SHROOM3: variants seen among roughly 807,000 people sequenced by gnomAD.
SHROOM3 encodes the protein shroom family member 3, also known as protein Shroom3.
A neutral mutation model predicts 138.6 loss-of-function variants in SHROOM3; 47 were observed. That is an observed-to-expected ratio of 0.34 (90% CI 0.27 to 0.43). SHROOM3 has a LOEUF of 0.43. Ranked by LOEUF, SHROOM3 falls within the 20% of genes least tolerant of loss-of-function variation. The probability of loss-of-function intolerance (pLI) is 1.00; values close to 1 mark genes in which losing one functional copy is unlikely to be tolerated. For missense variants in SHROOM3, 2,491 were observed against 2,596.5 expected, an observed-to-expected ratio of 0.96 and a Z score of 0.88; for synonymous variants, 1,062 against 1,063.3, an observed-to-expected ratio of 1.00 and a Z score of 0.02.
intron 2 of SHROOM3, among the ~76,000 whole-genome samples, chr4:76,637,941 C>A (rs1025552905): frequency 3.9e-5 from 6 of 152,104 alleles, no homozygotes; most frequent in African/African-American, 1.4e-4. Flanking sequence ...TGACTCAATT[C>A]GTGTGCTGAG....
chr4:76,638,847 A>G (rs915295435), intron 2 of SHROOM3: 1 of 152,182 alleles, frequency 6.6e-6, no homozygotes, highest in Non-Finnish European at 1.5e-5. Context: ...GTCTGACCCT[A>G]GGGAATGAGT....
At chr4:76,689,442 TG>T in intron 2 of SHROOM3, 1 of 826,302 alleles carries the variant, frequency 1.2e-6, no homozygotes, top group Non-Finnish European at 1.4e-6. Flanking sequence ...GGACGAGAGG[TG>T]GGCGAGCGCC....
At chr4:76,507,549 T>G (rs1444813407) in intron 1 of SHROOM3, among the ~76,000 whole-genome samples, 1 of 151,600 alleles carries the variant, frequency 6.6e-6, no homozygotes, top group Non-Finnish European at 1.5e-5. Flanking sequence ...CTTTTTTTTT[T>G]TTTTTGAGAT....
At chr4:76,562,300 A>C (rs565444604) in intron 2 of SHROOM3, among the ~76,000 whole-genome samples, 2 of 152,140 alleles carry the variant, frequency 1.3e-5, no homozygotes, top group Non-Finnish European at 2.9e-5. Context: ...CCCCGAATTC[A>C]CCGTCCCATG....
intron 2 of SHROOM3, among the ~76,000 whole-genome samples, chr4:76,699,630 G>A (rs1719847824): frequency 6.6e-6 from 1 of 152,140 alleles, no homozygotes; most frequent in African/African-American, 2.4e-5. Flanking sequence ...ATGTTTTGTG[G>A]GAACAGGGAA....
At chr4:76,519,621 A>G (rs916355490) in intron 1 of SHROOM3, among the ~76,000 whole-genome samples, 9 of 152,098 alleles carry the variant, frequency 5.9e-5, no homozygotes, top group African/African-American at 2.2e-4. Flanking sequence ...CTGGAGGGAA[A>G]CTGTGCTGGG....
intron 9 of SHROOM3, among the ~76,000 whole-genome samples, chr4:76,761,010 C>CCTAT (rs1322565203): frequency 1.3e-5 from 2 of 152,164 alleles, no homozygotes; most frequent in Non-Finnish European, 2.9e-5. Context: ...GCTTTTCCTC[C>CCTAT]CTATCTTAAT....
chr4:76,577,521 C>T (rs1358288655), intron 2 of SHROOM3, among the ~76,000 whole-genome samples: 1 of 152,182 alleles, frequency 6.6e-6, no homozygotes, highest in East Asian at 1.9e-4. Flanking sequence ...AGACCAATAC[C>T]TCTGCCTCCT....
chr4:76,582,115 T>C (rs1734063660), intron 2 of SHROOM3, among the ~76,000 whole-genome samples: 1 of 152,230 alleles, frequency 6.6e-6, no homozygotes, highest in African/African-American at 2.4e-5. Context: ...GCTGACATTC[T>C]TGTGAGCAGA....
chr4:76,504,010 C>T (rs753816322), intron 1 of SHROOM3, among the ~76,000 whole-genome samples: 1 of 152,062 alleles, frequency 6.6e-6, no homozygotes, highest in Non-Finnish European at 1.5e-5. Flanking sequence ...ACAAAAACTC[C>T]ATGAACAAAA....
At chr4:76,470,777 CATT>C (rs1021938516) in intron 1 of SHROOM3, among the ~76,000 whole-genome samples, 1 of 152,132 alleles carries the variant, frequency 6.6e-6, no homozygotes, top group Non-Finnish European at 1.5e-5. Flanking sequence ...AGGCTGAATT[CATT>C]ATTTTGTTAG....
chr4:76,525,661 TG>T (rs1255445000), intron 1 of SHROOM3, among the ~76,000 whole-genome samples: 4 of 152,320 alleles, frequency 2.6e-5, no homozygotes, highest in South Asian at 2.1e-4. Flanking sequence ...CAAATTAGAT[TG>T]TTTTTTTCTT....
At chr4:76,474,814 C>A (rs1374726053) in intron 1 of SHROOM3, among the ~76,000 whole-genome samples, 1 of 152,038 alleles carries the variant, frequency 6.6e-6, no homozygotes, top group Non-Finnish European at 1.5e-5. Context: ...GTAATCCCAG[C>A]TACTTGAGAG....
At chr4:76,685,270 G>A (rs114714172) in intron 2 of SHROOM3, among the ~76,000 whole-genome samples, 1,833 of 152,118 alleles carry the variant, frequency 0.012, 34 homozygotes, top group African/African-American at 0.042. Context: ...TAGAGCAGGG[G>A]TGTCCAATCT....
At chr4:76,670,299 G>A (rs776394684) in intron 2 of SHROOM3, among the ~76,000 whole-genome samples, 15 of 152,070 alleles carry the variant, frequency 9.9e-5, no homozygotes, top group Non-Finnish European at 1.0e-4. Context: ...CAACACAGAC[G>A]GACCTCAAAA....
At chr4:76,706,295 A>G (rs1196034360) in intron 2 of SHROOM3, among the ~76,000 whole-genome samples, 1 of 151,904 alleles carries the variant, frequency 6.6e-6, no homozygotes, top group African/African-American at 2.4e-5. Context: ...TTGTATTTTT[A>G]GTAGAGATGG....
At chr4:76,689,751 G>A in intron 2 of SHROOM3, 3 of 985,348 alleles carry the variant, frequency 3.0e-6, no homozygotes, top group Non-Finnish European at 1.2e-6. Flanking sequence ...GGGGCCGGCC[G>A]GCTGCTTTCT....
chr4:76,648,750 A>C (rs1344206079), intron 2 of SHROOM3, among the ~76,000 whole-genome samples: 1 of 152,234 alleles, frequency 6.6e-6, no homozygotes, highest in African/African-American at 2.4e-5. Context: ...GTAAGATTTG[A>C]TTATAACTTT....
chr4:76,625,656 C>T lies in SHROOM3; in HGVS notation c.323+69893C>T, dbSNP rs749020559. Among the ~76,000 whole-genome samples, 91 of 152,214 alleles carry T rather than the reference C, an allele frequency of 6.0e-4. 1 individual carries two copies. The highest frequency in any genetic ancestry group is 1.8e-4 in the Non-Finnish European group (12 of 68,048). On this transcript the variant is annotated intron_variant, in intron 2 of 10. Coordinates refer to ENST00000296043, the MANE Select transcript of SHROOM3 (RefSeq NM_020859.4). ...TTCCTTTCCTACTTCACACTCCAATCGCCGAGAACCATGTCCAGTTCCTGA... is the reference window on the plus strand; with the variant it reads ...TTCCTTTCCTACTTCACACTCCAATTGCCGAGAACCATGTCCAGTTCCTGA...
Sources: gnomAD v4.1 joint callset for allele counts (sites outside exome capture counted in the v4.1 genomes callset) on GRCh38, gnomAD v4.1.1 for gene constraint, MANE v1.5 for transcripts, NCBI Gene and HGNC (gene_info 2026-07-23, HGNC 2026-07-21) for gene names.